The following DOCK9 variants were observed in gnomAD, a reference collection of about 807,000 sequenced individuals.
DOCK9 encodes dedicator of cytokinesis protein 9.
DOCK9 carries 89 observed loss-of-function variants against 263.3 expected under a neutral mutation model. The ratio of observed to expected loss-of-function variants is 0.34; its 90% CI spans 0.28 to 0.40. The LOEUF (loss-of-function observed/expected upper bound fraction) is 0.40. Ranked by LOEUF, DOCK9 falls within the 10% of genes least tolerant of loss-of-function variation. The pLI is 1.00. For missense variants in DOCK9, 2,140 were observed against 2,603.4 expected, an observed-to-expected ratio of 0.82 and a Z score of 3.87; for synonymous variants, 976 against 973.1, an observed-to-expected ratio of 1.00 and a Z score of -0.06.
At chr13:98,896,112 T>C (rs1402219027) in intron 15 of DOCK9, among the ~76,000 whole-genome samples, 2 of 152,192 alleles carry the variant, frequency 1.3e-5, no homozygotes, top group Non-Finnish European at 2.9e-5. Flanking sequence ...AGGCCAACCT[T>C]AGCTGCATGT....
At chr13:98,842,832 G>T (rs1300617122) in intron 38 of DOCK9, among the ~76,000 whole-genome samples, 3 of 152,184 alleles carry the variant, frequency 2.0e-5, no homozygotes, top group Admixed American at 1.3e-4. Flanking sequence ...CCTGAGTGAT[G>T]GCCTAAACAA....
chr13:98,939,865 C>T (rs1034327231), intron 2 of DOCK9, among the ~76,000 whole-genome samples: 4 of 152,244 alleles, frequency 2.6e-5, no homozygotes, highest in African/African-American at 9.6e-5. Flanking sequence ...CTCTAGGCCT[C>T]AGCCAAACTG....
intron 1 of DOCK9, among the ~76,000 whole-genome samples, chr13:98,970,643 A>C (rs1379141247): frequency 1.3e-5 from 2 of 152,218 alleles, no homozygotes; most frequent in African/African-American, 2.4e-5. Flanking sequence ...AGTGGCACTT[A>C]CATTTGTCAG....
At chr13:98,979,824 A>ATTCC (rs1876705279), upstream of DOCK9, among the ~76,000 whole-genome samples, 1 of 152,230 alleles carries the variant, frequency 6.6e-6, no homozygotes, top group African/African-American at 2.4e-5. Context: ...AAACTTAGGA[A>ATTCC]TGTCCTACAA....
chr13:98,977,796 C>T lies in DOCK9; in HGVS notation c.114G>A (p.Pro38=), dbSNP rs553649143. The change falls in exon 1 of 53, where the codon CCG becomes CCA. Residue 38 remains proline, a synonymous_variant. Transcript: ENST00000682017. Reference sequence around the variant, plus strand: ...GAGACCCTCTTACCGGCACAGGGCCCGGGCTCTCTGCTTCCACTTCGCCCT... The same window carrying T: ...GAGACCCTCTTACCGGCACAGGGCCTGGGCTCTCTGCTTCCACTTCGCCCT... ...AAQGEVEAES[P]GPVPAKPKLI... The T allele has an allele frequency of 1.1e-5, 17 of 1,611,788 alleles. No individual in the cohort carries two copies. Among genetic ancestry groups the T allele is most frequent in the African/African-American group, 6.7e-5 (5 of 75,042 alleles).
At chr13:98,881,772 G>T in intron 24 of DOCK9, 120 bp downstream of exon 24, 2 of 1,244,660 alleles carry the variant, frequency 1.6e-6, no homozygotes, top group Non-Finnish European at 1.1e-6. Context: ...CTTACACATG[G>T]GATCAAAGAC....
chr13:99,030,379 T>TTTAC (rs1483433239), intron 1 of DOCK9, among the ~76,000 whole-genome samples: 1 of 152,248 alleles, frequency 6.6e-6, no homozygotes, highest in African/African-American at 2.4e-5. Flanking sequence ...TATAATTGCA[T>TTTAC]GTAATAAATA....
rs1221414792 is a variant in DOCK9 at position 98,880,994 on chromosome 13, AAATT to A, written c.2746-326_2746-323del. On this transcript the variant is annotated intron_variant, in intron 25 of 52. Coordinates refer to ENST00000682017, the MANE Select transcript of DOCK9 (RefSeq NM_001366683.2). The stretch of plus-strand genomic sequence containing the variant: ...CTAAAGGACCAGAACTTTACTTTTT[AAATT>A]ATCACATAGTTGTAATTTACAAAGG... Among the ~76,000 whole-genome samples the A allele has an allele frequency of 3.9e-5, 6 of 152,228 alleles. No individual in the cohort carries two copies. The South Asian group carries it at 6.2e-4, about 16-fold the overall frequency.
chr13:98,794,537 T>C lies in DOCK9; in HGVS notation c.*89A>G. 1.4e-6 allele frequency: 2 copies of C among 1,419,544 alleles called. No individual in the cohort carries two copies. Among genetic ancestry groups the C allele is most frequent in the Non-Finnish European group, 1.9e-6 (2 of 1,048,626 alleles). The allele number at this position is 1,419,544 out of a possible 1,614,324, so 87.9% of individuals were successfully genotyped here. A position where few individuals can be genotyped will look rare whatever the true frequency, so the allele number is the denominator to read the frequency against. On this transcript the variant is annotated 3_prime_UTR_variant, in exon 53 of 53. Coordinates refer to ENST00000682017, the MANE Select transcript of DOCK9 (RefSeq NM_001366683.2). Reference sequence around the variant, plus strand: ...CTCCCCTTCCCCTTGGTCCTCCCTGTGCTCGGTCTCCCCAGTGATTGGCTT... The same window carrying C: ...CTCCCCTTCCCCTTGGTCCTCCCTGCGCTCGGTCTCCCCAGTGATTGGCTT...
chr13:98,887,896 G>A (rs1018835566), intron 18 of DOCK9, among the ~76,000 whole-genome samples: 1 of 152,036 alleles, frequency 6.6e-6, no homozygotes, highest in Non-Finnish European at 1.5e-5. Context: ...TAGGTGAACA[G>A]TAAGTGTTTG....
intron 9 of DOCK9, among the ~76,000 whole-genome samples, chr13:98,907,975 C>T (rs564088054): frequency 1.3e-5 from 2 of 152,116 alleles, no homozygotes; most frequent in South Asian, 4.1e-4. Context: ...TATTATTATC[C>T]CTGCTCATTA....
chr13:98,947,506 A>ATT (rs35004750), intron 2 of DOCK9, among the ~76,000 whole-genome samples: 7,057 of 123,626 alleles, frequency 0.057, 310 homozygotes, highest in South Asian at 0.12. Context: ...TCTATTCAGA[A>ATT]TTTTTTTTTT....
intron 1 of DOCK9, among the ~76,000 whole-genome samples, chr13:98,972,383 G>A (rs2141371796): frequency 6.6e-6 from 1 of 150,960 alleles, no homozygotes. Flanking sequence ...CCGGAGCTGG[G>A]TGGATTTTAG....
chr13:98,817,739 A>G (rs936508925), intron 45 of DOCK9, among the ~76,000 whole-genome samples: 1 of 149,846 alleles, frequency 6.7e-6, no homozygotes, highest in African/African-American at 2.5e-5. Context: ...GATACAGATA[A>G]TTGAGTTCAT....
At chr13:99,062,116 C>G (rs1325335267) in intron 1 of DOCK9, among the ~76,000 whole-genome samples, 2 of 152,098 alleles carry the variant, frequency 1.3e-5, no homozygotes, top group Non-Finnish European at 2.9e-5. Flanking sequence ...AAGTGGTCCT[C>G]CCACCTTGGT....
intron 27 of DOCK9, among the ~76,000 whole-genome samples, chr13:98,878,120 C>A (rs746906298): frequency 6.6e-6 from 1 of 152,152 alleles, no homozygotes; most frequent in Admixed American, 6.5e-5. Context: ...GACACAGACG[C>A]GCACAGAAGG....
chr13:98,852,947 G>T (rs1021992205), intron 35 of DOCK9, among the ~76,000 whole-genome samples: 1 of 152,130 alleles, frequency 6.6e-6, no homozygotes, highest in Admixed American at 6.5e-5. Context: ...TTTGAGCCAG[G>T]AATATACACA....
At chr13:98,855,442 T>G (rs1195000349) in intron 34 of DOCK9, among the ~76,000 whole-genome samples, 6 of 152,064 alleles carry the variant, frequency 3.9e-5, no homozygotes, top group Non-Finnish European at 8.8e-5. Flanking sequence ...CGTGGTGGCT[T>G]GTGCCTGTGG....
At chr13:98,998,057 C>T (rs905489713) in intron 1 of DOCK9, among the ~76,000 whole-genome samples, 3 of 152,332 alleles carry the variant, frequency 2.0e-5, no homozygotes, top group Admixed American at 1.3e-4. Context: ...GGGTGTCATG[C>T]ATGTGACACC....
Sources: allele counts gnomAD v4.1 joint callset (sites outside exome capture counted in the v4.1 genomes callset), GRCh38; gene constraint gnomAD v4.1.1; transcripts MANE v1.5; gene names NCBI Gene and HGNC (gene_info 2026-07-23, HGNC 2026-07-21).